The following CASK variants were observed in gnomAD, a reference collection of about 807,000 sequenced individuals.
CASK encodes the protein peripheral plasma membrane protein CASK.
In CASK, 4 loss-of-function variants were observed where a neutral mutation model predicts 82.9. That is an observed-to-expected ratio of 0.05 (90% CI 0.02 to 0.11). The LOEUF is 0.11. CASK is among the 10% of genes least tolerant of loss of function. The pLI, the probability that CASK is intolerant of heterozygous loss-of-function variation, is 1.00. For synonymous variants in CASK, 259 were observed against 253.5 expected, an observed-to-expected ratio of 1.02 and a Z score of -0.20; for missense variants, 358 against 720.9, an observed-to-expected ratio of 0.50 and a Z score of 5.76.
At position 41,553,413 on chromosome X, in the gene CASK, T is replaced by C. The variant is rs186048617; in HGVS notation, c.2039+306A>G. 2.7e-5 allele frequency among the ~76,000 whole-genome samples: 3 copies of C among 110,971 alleles called. No homozygotes were observed. The East Asian group carries it at 8.5e-4, about 31-fold the overall frequency. On this transcript the variant is annotated intron_variant, in intron 21 of 26. Coordinates refer to ENST00000378163, the MANE Select transcript of CASK (RefSeq NM_001367721.1). ...TTTTTTAATGCCATTCTAAAACAAT[T>C]ATAACAGCATATAGGAGTGGAGGGC...
At chrX:41,866,601 T>C (rs781023252) in intron 1 of CASK, among the ~76,000 whole-genome samples, 1 of 112,157 alleles carries the variant, frequency 8.9e-6, no homozygotes, top group East Asian at 2.8e-4. Context: ...CTACGCCTTT[T>C]TGTTCTGGAA....
At chrX:41,749,294 C>T (rs1315213594) in intron 3 of CASK, among the ~76,000 whole-genome samples, 1 of 98,436 alleles carries the variant, frequency 1.0e-5, no homozygotes, top group Non-Finnish European at 2.0e-5. Context: ...AAAACAAAAA[C>T]AAAAACATGG....
In CASK at chrX:41,518,129, C is replaced by T; in HGVS notation, c.*2291G>A. 5.6e-6 allele frequency: 1 copy of T among 178,590 alleles called. No homozygotes were observed. The highest frequency in any genetic ancestry group is 1.0e-5 in the Non-Finnish European group (1 of 95,264). The allele number at this position is 178,590 out of a possible 1,213,427, so 14.7% of individuals were successfully genotyped here. A position where few individuals can be genotyped will look rare whatever the true frequency, so the allele number is the denominator to read the frequency against. On this transcript the variant is annotated 3_prime_UTR_variant, in exon 27 of 27. Coordinates refer to ENST00000378163, the MANE Select transcript of CASK (RefSeq NM_001367721.1). ...GCTTAATCCACCTTTATAAATATGG[C>T]AGATGGCTTAAGACAGGCATCATCA...
At chrX:41,672,716 T>C (rs1308496615) in intron 5 of CASK, among the ~76,000 whole-genome samples, 1 of 111,859 alleles carries the variant, frequency 8.9e-6, no homozygotes, top group Non-Finnish European at 1.9e-5. Context: ...CCAAAGAAGT[T>C]TAAAGACTTT....
chrX:41,730,610 T>C (rs1176820934), intron 5 of CASK, among the ~76,000 whole-genome samples: 1 of 111,557 alleles, frequency 9.0e-6, no homozygotes. Context: ...AAGTGTCCAA[T>C]CTAGTGATTT....
chrX:41,631,967 G>A (rs1395401016), intron 9 of CASK, among the ~76,000 whole-genome samples: 1 of 110,835 alleles, frequency 9.0e-6, no homozygotes, highest in Non-Finnish European at 1.9e-5. Context: ...GTCTTACTCT[G>A]TCACTCAGGC....
chrX:41,587,237 A>C, intron 13 of CASK: 1 of 274,199 alleles, frequency 3.6e-6, no homozygotes, highest in Non-Finnish European at 6.4e-6. Flanking sequence ...ATAAAGCAAA[A>C]TGACAAGGCT....
At chrX:41,738,945 A>G (rs1461499899) in intron 5 of CASK, among the ~76,000 whole-genome samples, 2 of 112,631 alleles carry the variant, frequency 1.8e-5, no homozygotes, top group Non-Finnish European at 3.7e-5. Flanking sequence ...TTATGATTTC[A>G]TACTATATTT....
chrX:41,719,438 T>C (rs2068123288), intron 5 of CASK, among the ~76,000 whole-genome samples: 1 of 112,004 alleles, frequency 8.9e-6, no homozygotes, highest in African/African-American at 3.2e-5. Context: ...TTTGAGTTTG[T>C]GTATGTGTTT....
At position 41,762,944 on chromosome X, in the gene CASK, A is replaced by G. The variant is rs141993764; in HGVS notation, c.279-17343T>C. 2.7e-5 allele frequency among the ~76,000 whole-genome samples: 3 copies of G among 111,175 alleles called. No homozygotes were observed. In the East Asian group the frequency reaches 8.5e-4, roughly 31 times the overall value. ...CTCTCCCATCTAAAGCCCCAGCCCA[A>G]TCATGGAAACAGCAGTGGGCTTCTG... is the stretch of plus-strand genomic sequence containing the variant. On this transcript the variant is annotated intron_variant, in intron 3 of 26. Transcript: ENST00000378163.
At chrX:41,654,984 A>ATT (rs763099566) in intron 8 of CASK, among the ~76,000 whole-genome samples, 2 of 97,811 alleles carry the variant, frequency 2.0e-5, no homozygotes, top group South Asian at 4.5e-4. Context: ...GGGACTCAAC[A>ATT]TTTTTTTTTT....
chrX:41,520,333 C>T lies in CASK; in HGVS notation c.*87G>A. ...CTACAACTAGGTAGTCTCTAGGGAC[C>T]ATGACCTGCTGACACAAGGCCGATA... is the stretch of plus-strand genomic sequence containing the variant. On this transcript the variant is annotated 3_prime_UTR_variant, in exon 27 of 27. Transcript: ENST00000378163. 1.4e-6 allele frequency: 1 copy of T among 703,824 alleles called. No individual in the cohort carries two copies. The highest frequency in any genetic ancestry group is 2.2e-6 in the Non-Finnish European group (1 of 461,188). The allele number at this position is 703,824 out of a possible 1,213,427, so 58.0% of individuals were successfully genotyped here.
chrX:41,655,186 T>C (rs2066918015), intron 8 of CASK, among the ~76,000 whole-genome samples: 1 of 111,024 alleles, frequency 9.0e-6, no homozygotes, highest in African/African-American at 3.3e-5. Context: ...AATCTGCACT[T>C]CGAGAAATAT....
intron 2 of CASK, among the ~76,000 whole-genome samples, chrX:41,828,798 C>T (rs1042242042): frequency 3.6e-5 from 4 of 111,921 alleles, no homozygotes; most frequent in African/African-American, 1.3e-4. Flanking sequence ...TGCACCAATG[C>T]CTTCTGTCAT....
In CASK at chrX:41,827,307, T is replaced by C. The variant is rs926809160; in HGVS notation, c.172+25808A>G. 2.7e-5 allele frequency among the ~76,000 whole-genome samples: 3 copies of C among 111,516 alleles called. No homozygotes were observed. In the East Asian group the frequency reaches 8.4e-4, roughly 31 times the overall value. On this transcript the variant is annotated intron_variant, in intron 2 of 26. Coordinates refer to ENST00000378163, the MANE Select transcript of CASK (RefSeq NM_001367721.1). Reference sequence around the variant, plus strand: ...TCTGTTTGGGCTGGCTATAACAAAATACCATAGACTAGGTGGTCTATAAAC... The same window carrying C: ...TCTGTTTGGGCTGGCTATAACAAAACACCATAGACTAGGTGGTCTATAAAC...
intron 11 of CASK, among the ~76,000 whole-genome samples, chrX:41,612,653 T>TG (rs1180103464): frequency 1.0e-4 from 6 of 58,477 alleles, no homozygotes; most frequent in African/African-American, 2.8e-4. Context: ...GGGAGGGAGG[T>TG]GGGGGGGTCA....
chrX:41,739,641 T>C lies in CASK; in HGVS notation c.357-185A>G, dbSNP rs548985533. 6.4e-4 allele frequency among the ~76,000 whole-genome samples: 72 copies of C among 112,409 alleles called. No individual in the cohort carries two copies. The South Asian group carries it at 0.026, about 40-fold the overall frequency. On this transcript the variant is annotated intron_variant, in intron 4 of 26. Coordinates refer to ENST00000378163, the MANE Select transcript of CASK (RefSeq NM_001367721.1). ...AAATGTTGGCAGACTCAAAAGTTTATGGGCTTCATGAAGAAATAGTATGCT... is the reference window on the plus strand; with the variant it reads ...AAATGTTGGCAGACTCAAAAGTTTACGGGCTTCATGAAGAAATAGTATGCT...
At position 41,727,336 on chromosome X, in the gene CASK, T is replaced by C. The variant is rs754741634; in HGVS notation, c.429+12048A>G. ...AACTCTATCCATGCATGCAAGTATGTTTGTCAGTCTCTTAATTTTAAGTTG... is the reference window on the plus strand; with the variant it reads ...AACTCTATCCATGCATGCAAGTATGCTTGTCAGTCTCTTAATTTTAAGTTG... On this transcript the variant is annotated intron_variant, in intron 5 of 26. Coordinates refer to ENST00000378163, the MANE Select transcript of CASK (RefSeq NM_001367721.1). 4 of 1,207,369 alleles carry C rather than the reference T, an allele frequency of 3.3e-6. No individual in the cohort carries two copies. In the East Asian group the frequency reaches 8.9e-5, roughly 27 times the overall value.
intron 5 of CASK, among the ~76,000 whole-genome samples, chrX:41,738,292 AG>A (rs1343816735): frequency 2.7e-5 from 3 of 112,918 alleles, no homozygotes; most frequent in Non-Finnish European, 5.6e-5. Flanking sequence ...TTTTTCATAA[AG>A]GGGGACCCAT....
Sources: allele counts gnomAD v4.1 joint callset (sites outside exome capture counted in the v4.1 genomes callset), GRCh38; gene constraint gnomAD v4.1.1; transcripts MANE v1.5; gene names NCBI Gene and HGNC (gene_info 2026-07-23, HGNC 2026-07-21).